SORBS2: variants seen among roughly 807,000 people sequenced by gnomAD.
The protein encoded by SORBS2 is sorbin and SH3 domain containing 2, also known as sorbin and SH3 domain-containing protein 2.
Under a neutral mutation model 97.7 loss-of-function variants are expected in SORBS2, and 46 were observed. The ratio of observed to expected loss-of-function variants is 0.47; its 90% CI spans 0.37 to 0.60. SORBS2 has a LOEUF of 0.60. Ranked by LOEUF, SORBS2 falls within the 20% of genes least tolerant of loss-of-function variation. SORBS2 has a pLI of 0.00. For synonymous variants in SORBS2, 476 were observed against 473.4 expected (o/e 1.01, Z -0.07); for missense variants, 1,316 against 1,282.3 (o/e 1.03, Z -0.40).
At chr4:185,793,566 TATTTATCTATTATGGAA>T (rs2099091086) in intron 1 of SORBS2, among the ~76,000 whole-genome samples, 1 of 152,344 alleles carries the variant, frequency 6.6e-6, no homozygotes, top group East Asian at 1.9e-4. Flanking sequence ...GATTTTTATT[TATTTATCTATTATGGAA>T]ATTTATTTTT....
At chr4:185,765,373 C>T (rs986510038) in intron 2 of SORBS2, among the ~76,000 whole-genome samples, 2 of 140,978 alleles carry the variant, frequency 1.4e-5, no homozygotes, top group African/African-American at 5.1e-5. Flanking sequence ...TGTTTTTACA[C>T]CTGTGGTTTT....
chr4:185,603,944 A>G (rs1364967932), intron 12 of SORBS2, among the ~76,000 whole-genome samples: 1 of 152,162 alleles, frequency 6.6e-6, no homozygotes, highest in Non-Finnish European at 1.5e-5. Flanking sequence ...AGTCAATGCC[A>G]AAGATCATCC....
In SORBS2 at chr4:185,867,714, A is replaced by T. The variant is rs572183525; in HGVS notation, c.-338+88482T>A. Among the ~76,000 whole-genome samples, 5 of 152,238 alleles carry T rather than the reference A, an allele frequency of 3.3e-5. No individual in the cohort carries two copies. The South Asian group carries it at 1.0e-3, about 32-fold the overall frequency. ...GGTCCTGACACCGGTCTAGGCTAGGATTGAAGGGAGGTCCCAGGCATTAGG... is the reference window on the plus strand; with the variant it reads ...GGTCCTGACACCGGTCTAGGCTAGGTTTGAAGGGAGGTCCCAGGCATTAGG... On this transcript the variant is annotated intron_variant, in intron 1 of 20. Coordinates refer to the SORBS2 transcript ENST00000284776.
rs940866192 is a variant in SORBS2, at chr4:185,620,756, C to T, written c.2216-605G>A. 3.3e-5 allele frequency among the ~76,000 whole-genome samples: 5 copies of T among 152,140 alleles called. No homozygotes were observed. In the East Asian group the frequency reaches 5.8e-4, roughly 18 times the overall value. ...CTCAAGATGCCATGCTGTTTATCTA[C>T]GACCTTCCTTTGTGCCCAGATGATA... On this transcript the variant is annotated intron_variant, in intron 7 of 14. Coordinates refer to ENST00000418609, the Ensembl canonical transcript of SORBS2.
chr4:185,721,083 T>C lies in SORBS2; in HGVS notation c.-197-42261A>G, dbSNP rs552716949. ...TCCTAACTCCTGCTTTCCCACCTAT[T>C]CTTTTTTTTTTTTTTTTTTTTTTGA... On this transcript the variant is annotated intron_variant, in intron 2 of 20. Coordinates refer to the SORBS2 transcript ENST00000284776. 1.5e-3 allele frequency among the ~76,000 whole-genome samples: 179 copies of C among 117,194 alleles called. 1 individual carries two copies. Among genetic ancestry groups the C allele is most frequent in the African/African-American group, 5.4e-3 (172 of 31,934 alleles). 76.9% of individuals were successfully genotyped at this position (117,194 alleles called of 152,430 possible).
intron 2 of SORBS2, among the ~76,000 whole-genome samples, chr4:185,767,410 G>A (rs2098941424): frequency 7.0e-6 from 1 of 142,254 alleles, no homozygotes; most frequent in Non-Finnish European, 1.5e-5. Context: ...TGAGGCAGGG[G>A]AATGGCGTGA....
chr4:185,845,081 T>C (rs1224036214), intron 1 of SORBS2, among the ~76,000 whole-genome samples: 3 of 151,482 alleles, frequency 2.0e-5, no homozygotes, highest in Non-Finnish European at 4.4e-5. Context: ...AGGGTGATCA[T>C]GACTCACTGC....
At chr4:185,634,249 T>C (rs976542834) in intron 4 of SORBS2, among the ~76,000 whole-genome samples, 2 of 152,204 alleles carry the variant, frequency 1.3e-5, no homozygotes, top group Non-Finnish European at 1.5e-5. Context: ...CTTGAGACTC[T>C]ATACCTGCAA....
intron 1 of SORBS2, among the ~76,000 whole-genome samples, chr4:185,952,432 C>A (rs2099277652): frequency 6.6e-6 from 1 of 152,224 alleles, no homozygotes; most frequent in Non-Finnish European, 1.5e-5. Context: ...CCTGAGAACA[C>A]CGGGCCCTCC....
rs750224622 is a variant in SORBS2 at position 185,623,937 on chromosome 4, T to C, written c.1192A>G (p.Ser398Gly). ...GGCACCTCCTCCGTGGAGCACTGGC[T>C]CCAGGCGCGCAGCAGGTCCTTGTGC... The change falls in exon 7 of 15, where the codon AGC (serine) becomes GGC (glycine). Residue 398 changes from serine to glycine, a missense_variant. By Grantham distance (56) the Ser-to-Gly change is moderately conservative. Coordinates refer to ENST00000418609, the Ensembl canonical transcript of SORBS2. This position sits in a 1 kb window ranked among gnomAD's most constrained non-coding sequence, Gnocchi z 6.4. 1 of 1,614,182 alleles carries C rather than the reference T, an allele frequency of 6.2e-7. No individual in the cohort carries two copies. Among genetic ancestry groups the C allele is most frequent in the Middle Eastern group, 1.6e-4 (1 of 6,062 alleles).
chr4:185,930,658 A>G (rs941228801), intron 1 of SORBS2, among the ~76,000 whole-genome samples: 1 of 152,140 alleles, frequency 6.6e-6, no homozygotes, highest in African/African-American at 2.4e-5. Context: ...TTTTGATAAG[A>G]TATTTCTCCT....
chr4:185,642,437 C>T (rs976320969), intron 4 of SORBS2, among the ~76,000 whole-genome samples: 1 of 151,752 alleles, frequency 6.6e-6, no homozygotes, highest in Non-Finnish European at 1.5e-5. Flanking sequence ...TACTCACCTA[C>T]AAACATATCC....
At chr4:185,718,004 G>A (rs928551249) in intron 2 of SORBS2, among the ~76,000 whole-genome samples, 2 of 152,214 alleles carry the variant, frequency 1.3e-5, no homozygotes, top group Non-Finnish European at 2.9e-5. Flanking sequence ...ACTTTGGGAG[G>A]TGGACCACTT....
At chr4:185,670,324 T>C (rs2097693588) in intron 4 of SORBS2, among the ~76,000 whole-genome samples, 1 of 152,172 alleles carries the variant, frequency 6.6e-6, no homozygotes, top group South Asian at 2.1e-4. Context: ...AAAATTCTAA[T>C]GACTTAAACA....
chr4:185,861,889 G>A (rs572183497), intron 1 of SORBS2, among the ~76,000 whole-genome samples: 7 of 152,196 alleles, frequency 4.6e-5, no homozygotes, highest in Non-Finnish European at 8.8e-5. Flanking sequence ...GAGCCACTGC[G>A]CCCAGCCCTG....
Position 185,639,044 on chromosome 4 carries a change from A to AAG in SORBS2, c.396+7622_396+7623dup, listed in dbSNP as rs1463976147. On this transcript the variant is annotated intron_variant, in intron 4 of 14. Transcript: ENST00000418609. ...GTTGTTGGGAGAGGGGGCTGCAAGAAAGAGGGGTGCAGAAACTGGTTCATT... is the reference window on the plus strand; with the variant it reads ...GTTGTTGGGAGAGGGGGCTGCAAGAAAGAGAGGGGTGCAGAAACTGGTTCATT... 1.6e-5 allele frequency: 24 copies of AAG among 1,512,956 alleles called. No homozygotes were observed. The highest frequency in any genetic ancestry group is 2.0e-5 in the Non-Finnish European group (23 of 1,131,640). The allele number at this position is 1,512,956 out of a possible 1,614,324, so 93.7% of individuals were successfully genotyped here. A position where few individuals can be genotyped will look rare whatever the true frequency, so the allele number is the denominator to read the frequency against.
rs551058095 is a variant in SORBS2 at position 185,675,294 on chromosome 4, G to A, written c.-46+3129C>T. 20 of 152,568 alleles carry A rather than the reference G, an allele frequency of 1.3e-4. No individual in the cohort carries two copies. In the East Asian group the frequency reaches 2.1e-3, roughly 16 times the overall value. 9.5% of individuals were successfully genotyped at this position (152,568 alleles called of 1,614,324 possible). Reference sequence around the variant, plus strand: ...ACTTCTCCTACACCTGCTTCCTGGCGTGCCCATCCTGGGACACTGGCGAGT... The same window carrying A: ...ACTTCTCCTACACCTGCTTCCTGGCATGCCCATCCTGGGACACTGGCGAGT... On this transcript the variant is annotated intron_variant, in intron 4 of 20. Coordinates refer to the SORBS2 transcript ENST00000284776.
chr4:185,730,284 T>TG (rs112523492), intron 2 of SORBS2, among the ~76,000 whole-genome samples: 64,090 of 150,142 alleles, frequency 0.43, 15,159 homozygotes, highest in Admixed American at 0.54. Context: ...ATTCTAATTT[T>TG]TTTTTTTTAA....
chr4:185,765,701 C>A (rs1202810051), intron 2 of SORBS2, among the ~76,000 whole-genome samples: 2 of 152,148 alleles, frequency 1.3e-5, no homozygotes, highest in Non-Finnish European at 2.9e-5. Flanking sequence ...CTTAAAGATG[C>A]TCAAACACAA....
Sources: gnomAD v4.1 joint callset for allele counts (sites outside exome capture counted in the v4.1 genomes callset) on GRCh38, gnomAD v4.1.1 for gene constraint, Gnocchi (gnomAD v3.1) non-coding constraint, MANE v1.5 for transcripts, NCBI Gene and HGNC (gene_info 2026-07-23, HGNC 2026-07-21) for gene names.